UGT1A6: variants seen among roughly 807,000 people sequenced by gnomAD.
UGT1A6 encodes UDP glucuronosyltransferase family 1 member A6, also known as UDP-glucuronosyltransferase 1A6.
In UGT1A6, 32 loss-of-function variants were observed where a neutral mutation model predicts 44.4. That is an observed-to-expected ratio of 0.72 (90% CI 0.54 to 0.97). The LOEUF (loss-of-function observed/expected upper bound fraction) is 0.97, where lower values mean the gene tolerates loss of function less well. UGT1A6 is among the 50% of genes least tolerant of loss of function. The pLI is 0.00. For synonymous variants in UGT1A6, 238 were observed against 248.5 expected, an observed-to-expected ratio of 0.96 and a Z score of 0.40; for missense variants, 685 against 661.9, an observed-to-expected ratio of 1.03 and a Z score of -0.38.
chr2:233,734,120 A>G (rs2078485100), intron 1 of UGT1A6, among the ~76,000 whole-genome samples: 1 of 152,036 alleles, frequency 6.6e-6, no homozygotes, highest in Non-Finnish European at 1.5e-5. Context: ...AATAATAATA[A>G]TAAAAAGAAT....
At position 233,769,334 on chromosome 2, in the gene UGT1A6, AG is replaced by A. The variant is rs1261695807; in HGVS notation, c.1301+896del. Among the ~76,000 whole-genome samples the A allele has an allele frequency of 6.6e-6, 1 of 152,248 alleles. No individual in the cohort carries two copies. The highest frequency in any genetic ancestry group is 1.5e-5 in the Non-Finnish European group (1 of 68,042). ...CAAGCTCACTGGTAATAGGCTTATT[AG>A]AACCTTATGGGAAGAAGTGGTGGCC... On this transcript the variant is annotated intron_variant, in intron 4 of 4. Transcript: ENST00000305139. This position sits in a 1 kb window ranked among gnomAD's most constrained non-coding sequence, Gnocchi z 4.4.
Position 233,768,249 on chromosome 2 carries a change from C to G in UGT1A6, c.1111C>G (p.His371Asp). 6.2e-7 allele frequency: 1 copy of G among 1,614,198 alleles called. No homozygotes were observed. Among genetic ancestry groups the G allele is most frequent in the East Asian group, 2.2e-5 (1 of 44,878 alleles). The change falls in exon 4 of 5, where the codon CAT becomes GAT. Residue 371 changes from histidine to aspartate, a missense_variant. Transcript: ENST00000305139. ...CCCGATGACCCGTGCCTTTATCACCCATGCTGGTTCCCATGGTGTTTATGA... is the reference window on the plus strand; with the variant it reads ...CCCGATGACCCGTGCCTTTATCACCGATGCTGGTTCCCATGGTGTTTATGA... ...GHPMTRAFITHAGSHGVYESI... is the reference protein window; with the variant it reads ...GHPMTRAFITDAGSHGVYESI...
At chr2:233,746,615 T>G (rs1693440411) in intron 1 of UGT1A6, among the ~76,000 whole-genome samples, 1 of 151,704 alleles carries the variant, frequency 6.6e-6, no homozygotes, top group Non-Finnish European at 1.5e-5. Flanking sequence ...ACCTGACCCC[T>G]CCTTTCAGGC....
At chr2:233,717,364 C>T (rs888449503) in intron 1 of UGT1A6, among the ~76,000 whole-genome samples, 1 of 152,218 alleles carries the variant, frequency 6.6e-6, no homozygotes. Flanking sequence ...GGGGAGTTCT[C>T]AAGCCCTTAC....
chr2:233,713,409 C>T (rs904986481), intron 1 of UGT1A6: 5 of 1,614,030 alleles, frequency 3.1e-6, no homozygotes, highest in Non-Finnish European at 4.2e-6. Flanking sequence ...CCTGATCAGG[C>T]ACCTGCATGC....
At chr2:233,754,989 C>T (rs749655557) in intron 1 of UGT1A6, 7 of 1,296,678 alleles carry the variant, frequency 5.4e-6, no homozygotes, top group Admixed American at 1.9e-5. Context: ...GGCGGGGTCA[C>T]GGAAGCTGAA....
At chr2:233,733,708 A>C (rs1332027237) in intron 1 of UGT1A6, among the ~76,000 whole-genome samples, 1 of 152,236 alleles carries the variant, frequency 6.6e-6, no homozygotes, top group Middle Eastern at 3.2e-3. Flanking sequence ...TTTGGTTTGC[A>C]GAATTTTACT....
At chr2:233,768,516 G>A (rs188739654) in intron 4 of UGT1A6, 77 bp downstream of exon 4, 153 of 1,549,320 alleles carry the variant, frequency 9.9e-5, no homozygotes, top group Non-Finnish European at 1.2e-4. Context: ...AAACATTTAC[G>A]TAGCATTTAA....
rs187561805 is a variant in UGT1A6 at position 233,713,630 on chromosome 2, C to T, written c.861+19765C>T. ...TGACATTCCTGCAAAGGGTCAAGAA[C>T]ATGCTCTACCCTCTGGCCCTGTCCT... is the stretch of plus-strand genomic sequence containing the variant. On this transcript the variant is annotated intron_variant, in intron 1 of 4. Transcript: ENST00000305139. The T allele has an allele frequency of 4.3e-6, 7 of 1,613,980 alleles. No individual in the cohort carries two copies. The African/African-American group carries it at 6.7e-5, about 15-fold the overall frequency.
chr2:233,719,744 T>C, intron 1 of UGT1A6: 2 of 1,612,994 alleles, frequency 1.2e-6, no homozygotes, highest in South Asian at 1.1e-5. Context: ...TTTTAAAAAA[T>C]GTATTTACTT....
At chr2:233,747,683 T>C (rs1401123315) in intron 1 of UGT1A6, 4 of 1,608,556 alleles carry the variant, frequency 2.5e-6, no homozygotes, top group Middle Eastern at 1.7e-4. Flanking sequence ...TTTACCTCTG[T>C]GGGGCAGTGC....
chr2:233,735,217 A>T (rs1317592719), intron 1 of UGT1A6, among the ~76,000 whole-genome samples: 1 of 152,114 alleles, frequency 6.6e-6, no homozygotes, highest in African/African-American at 2.4e-5. Flanking sequence ...GTGCATATAT[A>T]TTTAGGATAG....
intron 1 of UGT1A6, among the ~76,000 whole-genome samples, chr2:233,740,328 TGAGA>T (rs1691367095): frequency 6.6e-6 from 1 of 151,900 alleles, no homozygotes; most frequent in Non-Finnish European, 1.5e-5. Flanking sequence ...CTGCATTTAT[TGAGA>T]AAGTTGATGA....
At chr2:233,719,653 G>T in intron 1 of UGT1A6, 1 of 1,614,078 alleles carries the variant, frequency 6.2e-7, no homozygotes, top group Non-Finnish European at 8.5e-7. Context: ...TTCATTGGGG[G>T]CATCAACTGT....
intron 1 of UGT1A6, among the ~76,000 whole-genome samples, chr2:233,704,490 ATTG>A (rs1399641575): frequency 1.3e-5 from 2 of 152,084 alleles, no homozygotes; most frequent in African/African-American, 4.8e-5. Flanking sequence ...TTATGATATT[ATTG>A]TTATACGTGG....
intron 1 of UGT1A6, among the ~76,000 whole-genome samples, chr2:233,763,357 C>G (rs1698288561): frequency 6.6e-6 from 1 of 152,176 alleles, no homozygotes; most frequent in Non-Finnish European, 1.5e-5. Flanking sequence ...ATCTTTAGTA[C>G]TCCTTTGTCT....
intron 1 of UGT1A6, among the ~76,000 whole-genome samples, chr2:233,731,635 T>A (rs2078185230): frequency 6.6e-6 from 1 of 152,238 alleles, no homozygotes; most frequent in Non-Finnish European, 1.5e-5. Context: ...TATGGCTGCA[T>A]AGTATTCCAT....
At chr2:233,757,535 A>AATATATATACATATACATATACATATAT (rs376887521) in intron 1 of UGT1A6, among the ~76,000 whole-genome samples, 12 of 88,284 alleles carry the variant, frequency 1.4e-4, no homozygotes, top group Non-Finnish European at 1.5e-4. Flanking sequence ...GCCTGTAAGG[A>AATATATATACATATACATATACATATAT]ATATATATAT....
At chr2:233,701,225 G>A (rs1395250267) in intron 1 of UGT1A6, among the ~76,000 whole-genome samples, 2 of 152,092 alleles carry the variant, frequency 1.3e-5, no homozygotes, top group Non-Finnish European at 2.9e-5. Flanking sequence ...AATCCTTTGG[G>A]TATATACCCA....
Sources: gnomAD v4.1 joint callset for allele counts (sites outside exome capture counted in the v4.1 genomes callset) on GRCh38, gnomAD v4.1.1 for gene constraint, Gnocchi (gnomAD v3.1) non-coding constraint, MANE v1.5 for transcripts, NCBI Gene and HGNC (gene_info 2026-07-23, HGNC 2026-07-21) for gene names.